Variants in GBE1 observed in about 807,000 individuals in gnomAD.
GBE1 encodes the protein 1,4-alpha-glucan-branching enzyme.
GBE1 carries 70 observed loss-of-function variants against 88.8 expected under a neutral mutation model. That is an observed-to-expected ratio of 0.79 (90% CI 0.65 to 0.96). GBE1 has a LOEUF of 0.96. GBE1 is among the 40% of genes least tolerant of loss of function. The pLI is 0.00. For synonymous variants in GBE1, 284 were observed against 300.1 expected (o/e 0.95, Z 0.56); for missense variants, 872 against 871.0 (o/e 1.00, Z -0.01).
intron 3 of GBE1, among the ~76,000 whole-genome samples, chr3:81,651,923 T>C (rs918747483): frequency 1.3e-5 from 2 of 152,230 alleles, no homozygotes; most frequent in Non-Finnish European, 2.9e-5. Context: ...TACACACAAA[T>C]GTCTCCAGAG....
chr3:81,587,692 A>T (rs62265447), intron 9 of GBE1, among the ~76,000 whole-genome samples: 18,609 of 152,182 alleles, frequency 0.12, 1,344 homozygotes, highest in East Asian at 0.2. Context: ...AAGAATCTAG[A>T]CTAGTTTAAT....
intron 7 of GBE1, among the ~76,000 whole-genome samples, chr3:81,603,882 T>C (rs1306609786): frequency 6.6e-6 from 1 of 152,202 alleles, no homozygotes; most frequent in Admixed American, 6.5e-5. Flanking sequence ...GATTTTACTA[T>C]ATTCTACTAG....
chr3:81,674,372 T>C (rs1316660176), intron 2 of GBE1, among the ~76,000 whole-genome samples: 5 of 151,934 alleles, frequency 3.3e-5, no homozygotes, highest in African/African-American at 4.8e-5. Flanking sequence ...AGGAAAATCA[T>C]TGGATTTGGA....
chr3:81,614,145 G>A (rs1704217864), intron 7 of GBE1, among the ~76,000 whole-genome samples: 1 of 152,122 alleles, frequency 6.6e-6, no homozygotes, highest in Non-Finnish European at 1.5e-5. Context: ...CTCCCAAGTA[G>A]TTGGGACTAC....
intron 14 of GBE1, among the ~76,000 whole-genome samples, chr3:81,511,890 C>A (rs6769140): frequency 0.29 from 43,867 of 150,142 alleles, 6,642 homozygotes; most frequent in East Asian, 0.42. Context: ...AAGACATATG[C>A]ACTTGTATGT....
At chr3:81,666,596 A>G (rs1222761080) in intron 3 of GBE1, among the ~76,000 whole-genome samples, 1 of 152,128 alleles carries the variant, frequency 6.6e-6, no homozygotes, top group African/African-American at 2.4e-5. Flanking sequence ...TCTATTCCAG[A>G]GAAAAATATT....
Position 81,556,322 on chromosome 3 carries a change from T to TA in GBE1, c.1619-19228dup, listed in dbSNP as rs201041796. The stretch of plus-strand genomic sequence containing the variant: ...TAAATGAAATTCCTCACCTAGAGAG[T>TA]AAAAAAAAAATCCAAGAGAATTTAA... On this transcript the variant is annotated intron_variant, in intron 12 of 15. Coordinates refer to ENST00000429644, the MANE Select transcript of GBE1 (RefSeq NM_000158.4). 1.9e-3 allele frequency among the ~76,000 whole-genome samples: 285 copies of TA among 147,854 alleles called. 1 individual carries two copies. Among genetic ancestry groups the TA allele is most frequent in the African/African-American group, 5.8e-3 (234 of 40,432 alleles).
intron 7 of GBE1, among the ~76,000 whole-genome samples, chr3:81,618,437 G>A (rs532123054): frequency 1.2e-4 from 18 of 152,140 alleles, no homozygotes; most frequent in African/African-American, 4.1e-4. Flanking sequence ...AAAAACTGTA[G>A]AGAAGTGATC....
chr3:81,633,584 T>C lies in GBE1; in HGVS notation c.992+9197A>G, dbSNP rs185267198. On this transcript the variant is annotated intron_variant, in intron 7 of 15. Coordinates refer to ENST00000429644, the MANE Select transcript of GBE1 (RefSeq NM_000158.4). ...TTAATAAAGTTGTATTCTGCTTTAC[T>C]GAACCTGATATTAAAAGACATTTAT... 1.8e-3 allele frequency among the ~76,000 whole-genome samples: 276 copies of C among 152,318 alleles called. 1 individual carries two copies. Among genetic ancestry groups the C allele is most frequent in the Non-Finnish European group, 5.0e-4 (34 of 68,006 alleles).
chr3:81,505,098 C>T (rs1702636440), intron 14 of GBE1, among the ~76,000 whole-genome samples: 1 of 152,064 alleles, frequency 6.6e-6, no homozygotes, highest in South Asian at 2.1e-4. Context: ...ATATCACTAC[C>T]ACATCAATAT....
intron 2 of GBE1, among the ~76,000 whole-genome samples, chr3:81,688,611 A>T (rs1370998064): frequency 6.6e-6 from 1 of 152,166 alleles, no homozygotes; most frequent in Admixed American, 6.5e-5. Flanking sequence ...TAAGAATTAT[A>T]CCTGTGTTTA....
At chr3:81,535,018 A>G in intron 14 of GBE1, 177 bp downstream of exon 14, 2 of 604,294 alleles carry the variant, frequency 3.3e-6, no homozygotes, top group Non-Finnish European at 5.5e-6. Context: ...ATAATTCAGT[A>G]TAACTGAGTC....
intron 1 of GBE1, 98 bp downstream of exon 1, chr3:81,761,277 G>C (rs1018424938): frequency 2.1e-6 from 3 of 1,458,936 alleles, no homozygotes; most frequent in South Asian, 1.3e-5. Flanking sequence ...CCTGGGGCGG[G>C]GTTGGCGCGC....
intron 12 of GBE1, among the ~76,000 whole-genome samples, chr3:81,553,423 T>G (rs1417540162): frequency 6.6e-6 from 1 of 152,130 alleles, no homozygotes; most frequent in Non-Finnish European, 1.5e-5. Context: ...CTCTTTCTAT[T>G]AGACTGGGGA....
chr3:81,560,070 A>G (rs1703396984), intron 12 of GBE1, among the ~76,000 whole-genome samples: 1 of 151,980 alleles, frequency 6.6e-6, no homozygotes, highest in Non-Finnish European at 1.5e-5. Flanking sequence ...TCCTCTAAAA[A>G]GTCAATAAAT....
intron 1 of GBE1, among the ~76,000 whole-genome samples, chr3:81,732,761 T>C (rs1455075060): frequency 1.3e-5 from 2 of 152,118 alleles, no homozygotes; most frequent in Non-Finnish European, 2.9e-5. Context: ...TCACCCAGAG[T>C]AATCATTTTA....
At chr3:81,587,678 C>T (rs1703819601) in intron 9 of GBE1, among the ~76,000 whole-genome samples, 1 of 152,070 alleles carries the variant, frequency 6.6e-6, no homozygotes, top group African/African-American at 2.4e-5. Flanking sequence ...CACCGATATA[C>T]CCTAAGAATC....
At chr3:81,500,677 G>A (rs917792289) in intron 14 of GBE1, among the ~76,000 whole-genome samples, 2 of 152,204 alleles carry the variant, frequency 1.3e-5, no homozygotes, top group African/African-American at 2.4e-5. Context: ...TGGTAGTCAT[G>A]TTATTGTAAG....
chr3:81,543,884 T>C (rs1703171911), intron 12 of GBE1, among the ~76,000 whole-genome samples: 1 of 152,204 alleles, frequency 6.6e-6, no homozygotes, highest in Non-Finnish European at 1.5e-5. Flanking sequence ...TCCTAAATTA[T>C]ATATGAATAT....
Sources: gnomAD v4.1 joint callset for allele counts (sites outside exome capture counted in the v4.1 genomes callset) on GRCh38, gnomAD v4.1.1 for gene constraint, MANE v1.5 for transcripts, NCBI Gene and HGNC (gene_info 2026-07-23, HGNC 2026-07-21) for gene names.